The following TAFA2 variants were observed in gnomAD, a reference collection of about 807,000 sequenced individuals.
The protein encoded by TAFA2 is TAFA chemokine like family member 2, also known as chemokine-like protein TAFA-2.
Under a neutral mutation model 18.8 loss-of-function variants are expected in TAFA2, and 7 were observed. The observed-to-expected ratio is 0.37, with a 90% CI of 0.21 to 0.70. TAFA2 has a LOEUF of 0.70. Among genes scored for constraint, TAFA2 ranks in the 30% least tolerant of loss-of-function variants. TAFA2 has a pLI of 0.53. For missense variants in TAFA2, 122 were observed against 158.1 expected, an observed-to-expected ratio of 0.77 and a Z score of 1.23; for synonymous variants, 60 against 54.2, an observed-to-expected ratio of 1.11 and a Z score of -0.47.
At chr12:62,030,025 TA>T (rs1881415508) in intron 1 of TAFA2, among the ~76,000 whole-genome samples, 1 of 152,064 alleles carries the variant, frequency 6.6e-6, no homozygotes, top group Admixed American at 6.6e-5. Context: ...CTCATGTAAA[TA>T]AGGAATAATC....
At chr12:61,933,118 T>C (rs1459146620) in intron 1 of TAFA2, among the ~76,000 whole-genome samples, 1 of 152,004 alleles carries the variant, frequency 6.6e-6, no homozygotes. Context: ...GTAAAGGAGG[T>C]TCTTGTACTG....
chr12:61,804,223 A>G (rs1335872277), intron 2 of TAFA2, among the ~76,000 whole-genome samples: 1 of 152,058 alleles, frequency 6.6e-6, no homozygotes, highest in Non-Finnish European at 1.5e-5. Context: ...TTTCTCTTTT[A>G]TAAGTCTTCA....
At chr12:62,110,599 A>T (rs1347933385) in intron 1 of TAFA2, among the ~76,000 whole-genome samples, 5 of 140,252 alleles carry the variant, frequency 3.6e-5, no homozygotes, top group Non-Finnish European at 7.6e-5. Flanking sequence ...CTGTGAATCC[A>T]TCTGGTCCTG....
chr12:61,727,836 T>C (rs1386668716), intron 4 of TAFA2, among the ~76,000 whole-genome samples: 1 of 152,044 alleles, frequency 6.6e-6, no homozygotes, highest in Non-Finnish European at 1.5e-5. Flanking sequence ...GACTTTTTAA[T>C]GTAGGCATTC....
chr12:61,725,191 T>C (rs1368344875), intron 4 of TAFA2, among the ~76,000 whole-genome samples: 2 of 152,078 alleles, frequency 1.3e-5, no homozygotes, highest in East Asian at 3.9e-4. Flanking sequence ...TAGTTTTTTG[T>C]TGGATGCATA....
chr12:62,114,592 C>T (rs1869879771), intron 1 of TAFA2, among the ~76,000 whole-genome samples: 1 of 152,138 alleles, frequency 6.6e-6, no homozygotes, highest in Non-Finnish European at 1.5e-5. Context: ...GGTCATGTTG[C>T]TAAAAGACCT....
intron 1 of TAFA2, among the ~76,000 whole-genome samples, chr12:61,959,042 C>G (rs1274887063): frequency 6.6e-6 from 1 of 151,844 alleles, no homozygotes; most frequent in Non-Finnish European, 1.5e-5. Flanking sequence ...ATTTCATATT[C>G]TCTTCTACTA....
intron 1 of TAFA2, among the ~76,000 whole-genome samples, chr12:61,939,848 C>T (rs1169721220): frequency 6.6e-6 from 1 of 152,176 alleles, no homozygotes; most frequent in Non-Finnish European, 1.5e-5. Flanking sequence ...GCAATGAAAT[C>T]TCTAATCTTG....
chr12:61,950,209 A>C (rs1322458797), intron 1 of TAFA2, among the ~76,000 whole-genome samples: 1 of 152,150 alleles, frequency 6.6e-6, no homozygotes, highest in Non-Finnish European at 1.5e-5. Context: ...TGTTTTATGT[A>C]GTATTGCTAT....
intron 4 of TAFA2, among the ~76,000 whole-genome samples, chr12:61,751,078 C>T (rs1868990849): frequency 6.6e-6 from 1 of 152,028 alleles, no homozygotes; most frequent in Non-Finnish European, 1.5e-5. Context: ...ATGATGGAAA[C>T]ACTTCTTCTA....
intron 1 of TAFA2, among the ~76,000 whole-genome samples, chr12:61,946,350 A>C (rs1484640217): frequency 5.6e-5 from 8 of 143,454 alleles, no homozygotes; most frequent in Admixed American, 2.1e-4. Flanking sequence ...AAACCATAAA[A>C]ACCCTAGAAG....
chr12:62,185,504 C>A (rs1164099149), intron 1 of TAFA2, among the ~76,000 whole-genome samples: 1 of 152,164 alleles, frequency 6.6e-6, no homozygotes, highest in African/African-American at 2.4e-5. Flanking sequence ...TGTCTGATAG[C>A]CATTTCTGAG....
At chr12:61,940,322 C>T (rs1276496514) in intron 1 of TAFA2, among the ~76,000 whole-genome samples, 1 of 152,124 alleles carries the variant, frequency 6.6e-6, no homozygotes, top group Non-Finnish European at 1.5e-5. Context: ...ATTTTCAGCT[C>T]CTGGATGGTG....
chr12:61,749,676 C>T (rs1446769362), intron 4 of TAFA2, among the ~76,000 whole-genome samples: 2 of 151,948 alleles, frequency 1.3e-5, no homozygotes, highest in Non-Finnish European at 2.9e-5. Context: ...TAAATAAATG[C>T]ATAAAGTGAA....
intron 1 of TAFA2, among the ~76,000 whole-genome samples, chr12:62,103,949 G>A (rs951648481): frequency 5.3e-5 from 8 of 152,114 alleles, no homozygotes; most frequent in African/African-American, 1.9e-4. Flanking sequence ...TTGTGCCTGT[G>A]TACTGCAGTA....
chr12:61,944,398 G>C (rs1441845358), intron 1 of TAFA2, among the ~76,000 whole-genome samples: 1 of 140,562 alleles, frequency 7.1e-6, no homozygotes, highest in Non-Finnish European at 1.5e-5. Context: ...AAAAGAACTA[G>C]AAAAGCAAGA....
At chr12:62,235,485 G>T in intron 1 of TAFA2, 1 of 597,768 alleles carries the variant, frequency 1.7e-6, no homozygotes, top group South Asian at 1.9e-5. Context: ...CCAGCTTCCT[G>T]CTCCTTCTCA....
At chr12:61,738,832 A>G (rs991320844) in intron 4 of TAFA2, among the ~76,000 whole-genome samples, 1 of 152,058 alleles carries the variant, frequency 6.6e-6, no homozygotes, top group Non-Finnish European at 1.5e-5. Context: ...TCAAAGCCCT[A>G]GTTTAAGTAT....
chr12:61,744,545 T>C (rs1023231682), intron 4 of TAFA2, among the ~76,000 whole-genome samples: 10 of 152,072 alleles, frequency 6.6e-5, no homozygotes, highest in Admixed American at 6.6e-4. Flanking sequence ...AAATTTAAAA[T>C]ATCAGGTTTA....
Sources: allele counts gnomAD v4.1 joint callset (sites outside exome capture counted in the v4.1 genomes callset), GRCh38; gene constraint gnomAD v4.1.1; transcripts MANE v1.5; gene names NCBI Gene and HGNC (gene_info 2026-07-23, HGNC 2026-07-21).